HMGB1: variants seen among roughly 807,000 people sequenced by gnomAD.
HMGB1 encodes the protein high mobility group box 1, also known as high mobility group protein B1.
For missense variants in HMGB1, 79 were observed against 253.5 expected, an observed-to-expected ratio of 0.31 and a Z score of 4.67; for synonymous variants, 81 against 84.0, an observed-to-expected ratio of 0.96 and a Z score of 0.19.
intron 1 of HMGB1, among the ~76,000 whole-genome samples, chr13:30,563,627 A>G (rs1870059351): frequency 6.6e-6 from 1 of 152,188 alleles, no homozygotes; most frequent in African/African-American, 2.4e-5. Flanking sequence ...AAAATACATC[A>G]AATAAAAATT....
At chr13:30,593,181 C>T (rs951039825) in intron 1 of HMGB1, among the ~76,000 whole-genome samples, 2 of 152,160 alleles carry the variant, frequency 1.3e-5, no homozygotes, top group Non-Finnish European at 2.9e-5. Flanking sequence ...CCACTTTGGG[C>T]GGAAAGCAGC....
intron 1 of HMGB1, among the ~76,000 whole-genome samples, chr13:30,492,994 CAAAA>C (rs1022752871): frequency 2.5e-5 from 1 of 40,452 alleles, no homozygotes; most frequent in Non-Finnish European, 4.8e-5. Context: ...GACTACATCT[CAAAA>C]AAAAAAAAAA....
At chr13:30,560,414 G>A (rs1869898412) in intron 1 of HMGB1, among the ~76,000 whole-genome samples, 2 of 152,152 alleles carry the variant, frequency 1.3e-5, no homozygotes, top group Admixed American at 1.3e-4. Context: ...TAACTGCAGT[G>A]GGTTGAGTCA....
intron 1 of HMGB1, among the ~76,000 whole-genome samples, chr13:30,480,031 G>C (rs1887190795): frequency 6.6e-6 from 1 of 152,124 alleles, no homozygotes; most frequent in African/African-American, 2.4e-5. Flanking sequence ...CCACCTTCAA[G>C]ATTCTGGTCA....
chr13:30,467,522 T>A (rs1886823890), upstream of HMGB1, among the ~76,000 whole-genome samples: 1 of 152,232 alleles, frequency 6.6e-6, no homozygotes, highest in South Asian at 2.1e-4. Flanking sequence ...AAAAAGACTA[T>A]AATATTAAAG....
chr13:30,518,375 C>G (rs1170400307), intron 1 of HMGB1, among the ~76,000 whole-genome samples: 1 of 152,136 alleles, frequency 6.6e-6, no homozygotes, highest in Non-Finnish European at 1.5e-5. Context: ...CTGTCTTTTC[C>G]TATTTCCCTT....
chr13:30,524,443 C>T (rs990305458), intron 1 of HMGB1, among the ~76,000 whole-genome samples: 1 of 150,908 alleles, frequency 6.6e-6, no homozygotes, highest in African/African-American at 2.4e-5. Context: ...CTTCAGGAAA[C>T]TTACAATCGT....
chr13:30,604,745 C>T (rs1342146945), intron 1 of HMGB1, among the ~76,000 whole-genome samples: 3 of 152,182 alleles, frequency 2.0e-5, no homozygotes, highest in Non-Finnish European at 4.4e-5. Context: ...GCAAGCTCTG[C>T]CTCCTGGGTT....
At chr13:30,560,619 G>A (rs1869907395) in intron 1 of HMGB1, among the ~76,000 whole-genome samples, 1 of 152,190 alleles carries the variant, frequency 6.6e-6, no homozygotes, top group Non-Finnish European at 1.5e-5. Context: ...CAATAGAGAA[G>A]TTAAAACGCA....
chr13:30,510,668 T>C (rs1887972772), intron 1 of HMGB1, among the ~76,000 whole-genome samples: 1 of 152,198 alleles, frequency 6.6e-6, no homozygotes, highest in Non-Finnish European at 1.5e-5. Flanking sequence ...TTTCCTTTTA[T>C]GTTGCTTGCT....
chr13:30,496,874 C>T (rs1020507629), intron 1 of HMGB1, among the ~76,000 whole-genome samples: 3 of 152,014 alleles, frequency 2.0e-5, no homozygotes, highest in African/African-American at 4.8e-5. Context: ...ATGCCTGCTC[C>T]CTGCAACACA....
intron 1 of HMGB1, among the ~76,000 whole-genome samples, chr13:30,532,036 C>G (rs2137487370): frequency 6.6e-6 from 1 of 151,720 alleles, no homozygotes. Flanking sequence ...TGTCCATAAT[C>G]TATGTATTTT....
At chr13:30,563,180 T>A (rs1329477831) in intron 1 of HMGB1, among the ~76,000 whole-genome samples, 1 of 152,260 alleles carries the variant, frequency 6.6e-6, no homozygotes, top group Non-Finnish European at 1.5e-5. Context: ...GTCAAATCGA[T>A]TTCTGCATTT....
At chr13:30,599,450 A>G (rs1399861029) in intron 1 of HMGB1, among the ~76,000 whole-genome samples, 2 of 152,200 alleles carry the variant, frequency 1.3e-5, no homozygotes, top group African/African-American at 4.8e-5. Flanking sequence ...CCTGGGCAAC[A>G]AGAGCAAAAC....
Position 30,461,289 on chromosome 13 carries a change from G to A in HMGB1, c.*68C>T, listed in dbSNP as rs981888850. The A allele has an allele frequency of 2.9e-5, 43 of 1,502,964 alleles. No individual in the cohort carries two copies. Among genetic ancestry groups the A allele is most frequent in the Non-Finnish European group, 3.6e-5 (41 of 1,129,812 alleles). 93.1% of individuals were successfully genotyped at this position (1,502,964 alleles called of 1,614,324 possible). ...ACATTTCAATTTTTTTCTTTAAAAG[G>A]AGTGAGTTGTGTACAGGGGGGTTAA... On this transcript the variant is annotated 3_prime_UTR_variant, in exon 5 of 5. Transcript: ENST00000341423.
intron 1 of HMGB1, among the ~76,000 whole-genome samples, chr13:30,517,836 G>T (rs1888134538): frequency 1.3e-5 from 2 of 152,182 alleles, no homozygotes; most frequent in Admixed American, 6.5e-5. Flanking sequence ...AAAAAACCCA[G>T]AATGCTGGGA....
chr13:30,470,470 G>A (rs1276402846), upstream of HMGB1, among the ~76,000 whole-genome samples: 1 of 152,178 alleles, frequency 6.6e-6, no homozygotes. Context: ...CAGTTGGAGG[G>A]TGAGAGGGGA....
chr13:30,591,997 T>C (rs923883416), intron 1 of HMGB1, among the ~76,000 whole-genome samples: 2 of 152,146 alleles, frequency 1.3e-5, no homozygotes, highest in Non-Finnish European at 2.9e-5. Flanking sequence ...TTCAACTGCA[T>C]GGGAGAAAGC....
At chr13:30,492,045 G>A (rs141100112) in intron 1 of HMGB1, among the ~76,000 whole-genome samples, 1 of 152,088 alleles carries the variant, frequency 6.6e-6, no homozygotes, top group Non-Finnish European at 1.5e-5. Flanking sequence ...GTATGCACCT[G>A]TAGTCCCAGC....
Sources: gnomAD v4.1 joint callset for allele counts (sites outside exome capture counted in the v4.1 genomes callset) on GRCh38, gnomAD v4.1.1 for gene constraint, MANE v1.5 for transcripts, NCBI Gene and HGNC (gene_info 2026-07-23, HGNC 2026-07-21) for gene names.